The following DPY30 variants were observed in gnomAD, a reference collection of about 807,000 sequenced individuals.
DPY30 encodes the protein protein dpy-30 homolog.
In DPY30, 6 loss-of-function variants were observed where a neutral mutation model predicts 16.2. The ratio of observed to expected loss-of-function variants is 0.37; its 90% CI spans 0.20 to 0.73. DPY30 has a LOEUF of 0.73. Among genes scored for constraint, DPY30 ranks in the 30% least tolerant of loss-of-function variants. The pLI is 0.51. For synonymous variants in DPY30, 39 were observed against 38.8 expected (o/e 1.00, Z -0.02); for missense variants, 73 against 113.1 (o/e 0.65, Z 1.61).
chr2:32,039,739 C>T lies in DPY30; in HGVS notation c.-43G>A, dbSNP rs1675894708. The T allele has an allele frequency of 3.6e-6, 2 of 550,444 alleles. No homozygotes were observed. Among genetic ancestry groups the T allele is most frequent in the South Asian group, 4.5e-5 (2 of 44,820 alleles). 34.1% of individuals were successfully genotyped at this position (550,444 alleles called of 1,614,324 possible). ...GGGAAAGGGAGCTGATTACCCGCGCCCAAGCCGTTCGTTCTTAAGAGCCCT... is the reference window on the plus strand; with the variant it reads ...GGGAAAGGGAGCTGATTACCCGCGCTCAAGCCGTTCGTTCTTAAGAGCCCT... On this transcript the variant is annotated 5_prime_UTR_variant, in exon 1 of 5. Transcript: ENST00000342166.
chr2:32,037,254 G>C (rs1363298722), intron 3 of DPY30, among the ~76,000 whole-genome samples: 1 of 152,084 alleles, frequency 6.6e-6, no homozygotes, highest in African/African-American at 2.4e-5. Context: ...TCAATATGTG[G>C]ATAAATGTAA....
downstream of DPY30, among the ~76,000 whole-genome samples, chr2:32,021,675 T>C (rs1675184329): frequency 1.4e-5 from 2 of 147,834 alleles, no homozygotes; most frequent in African/African-American, 5.0e-5. Flanking sequence ...CAAGACTCCA[T>C]CTCAAAAAAA....
At chr2:32,025,230 C>A (rs951242386) in intron 4 of DPY30, among the ~76,000 whole-genome samples, 1 of 151,984 alleles carries the variant, frequency 6.6e-6, no homozygotes, top group Non-Finnish European at 1.5e-5. Context: ...TTTGGGAAGC[C>A]GAGGCGGGTG....
chr2:32,019,285 A>G (rs1675123996), downstream of DPY30, among the ~76,000 whole-genome samples: 1 of 152,018 alleles, frequency 6.6e-6, no homozygotes, highest in African/African-American at 2.4e-5. Flanking sequence ...TTCATCTACT[A>G]GCTAGATCAG....
At chr2:32,025,235 C>CGGGTGGATCATGAGGTCAGGAGTTCAA (rs1675284053) in intron 4 of DPY30, among the ~76,000 whole-genome samples, 4 of 151,786 alleles carry the variant, frequency 2.6e-5, no homozygotes, top group Non-Finnish European at 5.9e-5. Flanking sequence ...GAAGCCGAGG[C>CGGGTGGATCATGAGGTCAGGAGTTCAA]GGGTGGATCA....
downstream of DPY30, among the ~76,000 whole-genome samples, chr2:32,019,374 G>A (rs746242218): frequency 2.0e-5 from 3 of 152,160 alleles, no homozygotes; most frequent in Admixed American, 6.5e-5. Context: ...TTAGCCTGGC[G>A]TGGTGGTGCA....
At chr2:32,023,628 T>G, downstream of DPY30, 1 of 848,934 alleles carries the variant, frequency 1.2e-6, no homozygotes, top group Non-Finnish European at 1.7e-6. Context: ...TTGTATCCCC[T>G]TTGCAATGCT....
At chr2:32,032,579 G>A (rs989410762) in intron 3 of DPY30, among the ~76,000 whole-genome samples, 8 of 152,190 alleles carry the variant, frequency 5.3e-5, no homozygotes, top group Non-Finnish European at 1.0e-4. Context: ...ACTACTCGGG[G>A]CCAGGCACAG....
Position 32,024,192 on chromosome 2 carries a change from G to C in DPY30, c.292C>G (p.Arg98Gly). 3 of 1,611,960 alleles carry C rather than the reference G, an allele frequency of 1.9e-6. No individual in the cohort carries two copies. Among genetic ancestry groups the C allele is most frequent in the Non-Finnish European group, 2.5e-6 (3 of 1,178,992 alleles). ...LLKNKAQFED[R>G]N ...CTGTTCTTCCCATTAAGTCAGTTTC[G>C]ATCTTCAAACTGTGCCTTGTTTTTT... Residue 98 changes from arginine to glycine, a missense_variant, in exon 5 of 5, where the codon CGA (arginine) becomes GGA (glycine). Arg to Gly is a moderately radical substitution (Grantham distance 125, BLOSUM62 -2). Around this residue, in one of 3 missense-constraint regions of DPY30, gnomAD observed 20 missense variants for 25.3 expected, o/e 0.79. Coordinates refer to ENST00000342166, the MANE Select transcript of DPY30 (RefSeq NM_001321209.2).
chr2:32,023,865 A>G (rs1675239477), downstream of DPY30: 2 of 1,320,134 alleles, frequency 1.5e-6, no homozygotes, highest in Non-Finnish European at 2.0e-6. Context: ...TCAATCATGT[A>G]AAATATTTGT....
At chr2:32,028,460 A>G (rs1053185453) in intron 4 of DPY30, among the ~76,000 whole-genome samples, 4 of 152,236 alleles carry the variant, frequency 2.6e-5, no homozygotes, top group African/African-American at 9.6e-5. Context: ...GGTGAGAAAT[A>G]CTGGGGAAAA....
At chr2:32,019,089 T>C (rs1675117302), downstream of DPY30, among the ~76,000 whole-genome samples, 1 of 152,144 alleles carries the variant, frequency 6.6e-6, no homozygotes, top group Admixed American at 6.6e-5. Context: ...TGACTCACTT[T>C]TATTTATCTA....
rs759744208 is a variant in DPY30 at position 32,039,294 on chromosome 2, G to A, written c.69C>T (p.Leu23=). Residue 23 remains leucine (L), a synonymous_variant, in exon 3 of 5, where the codon CTC becomes CTT. Coordinates refer to ENST00000342166, the MANE Select transcript of DPY30 (RefSeq NM_001321209.2). The part of the protein sequence containing the change: ...VAENPHSEYG[L]TDNVERIVEN... ...GGCGAGTTACCTCAACGTTGTCTGT[G>A]AGACCGTACTCAGAGTGAGGATTTT... 18 of 1,614,070 alleles carry A rather than the reference G, an allele frequency of 1.1e-5. No homozygotes were observed. The highest frequency in any genetic ancestry group is 1.1e-4 in the East Asian group (5 of 44,890).
chr2:32,031,747 G>C (rs1334879175), intron 3 of DPY30, among the ~76,000 whole-genome samples: 1 of 151,878 alleles, frequency 6.6e-6, no homozygotes, highest in East Asian at 1.9e-4. Context: ...ACAAAAATTA[G>C]CTGGACGTAG....
At chr2:32,023,558 C>T, downstream of DPY30, 1 of 535,928 alleles carries the variant, frequency 1.9e-6, no homozygotes, top group South Asian at 1.5e-5. Context: ...ATGCCTGAAA[C>T]TTAGTAGGAA....
At chr2:32,012,240 C>T (rs1160261989) in intron 5 of DPY30, among the ~76,000 whole-genome samples, 1 of 151,870 alleles carries the variant, frequency 6.6e-6, no homozygotes, top group Non-Finnish European at 1.5e-5. Context: ...GTATCCCTGT[C>T]CTAAAGCCTA....
chr2:32,014,102 A>T (rs892064617), intron 5 of DPY30, among the ~76,000 whole-genome samples: 5 of 152,224 alleles, frequency 3.3e-5, no homozygotes, highest in Non-Finnish European at 5.9e-5. Context: ...TTACTGCAGC[A>T]TTCAGTAGTA....
At chr2:32,037,080 G>A (rs1311631364) in intron 3 of DPY30, among the ~76,000 whole-genome samples, 2 of 152,138 alleles carry the variant, frequency 1.3e-5, no homozygotes, top group African/African-American at 4.8e-5. Flanking sequence ...AAAAACAAGG[G>A]CAAAATAATG....
intron 3 of DPY30, among the ~76,000 whole-genome samples, chr2:32,030,822 T>G (rs1310074404): frequency 6.6e-6 from 1 of 151,864 alleles, no homozygotes; most frequent in African/African-American, 2.4e-5. Context: ...AAATCTATGA[T>G]TTTTAAAAAT....
Sources: allele counts gnomAD v4.1 joint callset (sites outside exome capture counted in the v4.1 genomes callset), GRCh38; gene constraint gnomAD v4.1.1; regional missense constraint gnomAD v4.1.1; transcripts MANE v1.5; gene names NCBI Gene and HGNC (gene_info 2026-07-23, HGNC 2026-07-21).